The following DPH6 variants were observed in gnomAD, a reference collection of about 807,000 sequenced individuals.
The protein encoded by DPH6 is diphthine--ammonia ligase.
DPH6 carries 33 observed loss-of-function variants against 38.2 expected under a neutral mutation model. The ratio of observed to expected loss-of-function variants is 0.86; its 90% CI spans 0.65 to 1.15. The LOEUF is 1.15. DPH6 is among the 50% of genes most tolerant of loss of function. The probability of loss-of-function intolerance (pLI) is 0.00; values close to 1 mark genes in which losing one functional copy is unlikely to be tolerated. For synonymous variants in DPH6, 108 were observed against 103.0 expected (o/e 1.05, Z -0.30); for missense variants, 325 against 320.0 (o/e 1.02, Z -0.12).
rs565305540 is a variant in DPH6, at chr15:35,355,310, G to A, written n.207+18211C>T. Reference sequence around the variant, plus strand: ...ATTTAAGGTTAATATTGTTATGTGTGAATTTGATCCTGTCATTATGATGTT... The same window carrying A: ...ATTTAAGGTTAATATTGTTATGTGTAAATTTGATCCTGTCATTATGATGTT... On this transcript the variant is annotated intron_variant and non_coding_transcript_variant, in intron 3 of 3. Coordinates refer to the DPH6 transcript ENST00000558973. 3.3e-5 allele frequency among the ~76,000 whole-genome samples: 5 copies of A among 152,276 alleles called. No homozygotes were observed. In the East Asian group the frequency reaches 9.7e-4, roughly 29 times the overall value.
intron 3 of DPH6, among the ~76,000 whole-genome samples, chr15:35,348,773 C>T (rs962785189): frequency 3.9e-5 from 6 of 152,060 alleles, no homozygotes; most frequent in Admixed American, 6.6e-5. Flanking sequence ...TCTTTCAACC[C>T]ATGATCACGG....
intron 3 of DPH6, among the ~76,000 whole-genome samples, chr15:35,293,778 T>C (rs983825073): frequency 7.9e-5 from 12 of 152,244 alleles, no homozygotes; most frequent in Admixed American, 7.9e-4. Context: ...GAAAGGAATG[T>C]AATGGTGTCC....
Position 35,542,459 on chromosome 15 carries a change from C to A in DPH6, c.72G>T (p.Gly24=), listed in dbSNP as rs1383620761. ...GATTTGCTAAAGCAACGATCTGATG[C>A]CCAGCAGCAATGCACTGCATCATAT... ...CYNMMQCIAA[G]HQIVALANLR... Residue 24 remains glycine (G), a synonymous_variant, in exon 2 of 9, where the codon GGG becomes GGT. Coordinates refer to ENST00000256538, the MANE Select transcript of DPH6 (RefSeq NM_080650.4). 6 of 1,580,334 alleles carry A rather than the reference C, an allele frequency of 3.8e-6. No homozygotes were observed. The highest frequency in any genetic ancestry group is 1.7e-5 in the Admixed American group (1 of 59,690).
In DPH6 at chr15:35,398,311, C is replaced by T. The variant is rs544416522; in HGVS notation, c.567+12524G>A. On this transcript the variant is annotated intron_variant, in intron 6 of 8. Transcript: ENST00000256538. Reference sequence around the variant, plus strand: ...TAGCCTTGGGATGGGCAATGGTTGCCAGGGAAACCAACCTTGTGATTAGAG... The same window carrying T: ...TAGCCTTGGGATGGGCAATGGTTGCTAGGGAAACCAACCTTGTGATTAGAG... 9.2e-5 allele frequency among the ~76,000 whole-genome samples: 14 copies of T among 152,260 alleles called. No individual in the cohort carries two copies. In the South Asian group the frequency reaches 1.9e-3, roughly 20 times the overall value.
chr15:35,219,645 G>A (rs571187275), exon 4 of DPH6: 1 of 152,226 alleles, frequency 6.6e-6, no homozygotes, highest in African/African-American at 2.4e-5. Flanking sequence ...TTATTGTCAT[G>A]TTGCAGTGAG....
chr15:35,385,803 T>G (rs2052945377), intron 6 of DPH6, among the ~76,000 whole-genome samples: 1 of 152,252 alleles, frequency 6.6e-6, no homozygotes, highest in South Asian at 2.1e-4. Flanking sequence ...CAAAAACTTA[T>G]TTTATAATTT....
At chr15:35,520,584 T>G in intron 3 of DPH6, 1 of 984,728 alleles carries the variant, frequency 1.0e-6, no homozygotes, top group Non-Finnish European at 1.2e-6. Flanking sequence ...ATAAAGCTTC[T>G]TATAATACTA....
At chr15:35,237,719 C>T (rs1347769701) in intron 3 of DPH6, 10 of 1,613,656 alleles carry the variant, frequency 6.2e-6, no homozygotes, top group Admixed American at 3.3e-5. Flanking sequence ...GAACGACTAC[C>T]GAGAAAATGT....
At chr15:35,416,398 G>GT (rs920616145) in intron 5 of DPH6, among the ~76,000 whole-genome samples, 3 of 151,918 alleles carry the variant, frequency 2.0e-5, no homozygotes, top group South Asian at 2.1e-4. Context: ...ATTTAGGTAG[G>GT]TTTTTTTGGC....
Position 35,528,057 on chromosome 15 carries a change from T to C in DPH6, c.312+10217A>G, listed in dbSNP as rs1035068937. 2.0e-5 allele frequency among the ~76,000 whole-genome samples: 3 copies of C among 152,192 alleles called. No individual in the cohort carries two copies. In the South Asian group the frequency reaches 6.2e-4, roughly 32 times the overall value. ...AGAATCTATTAAGACTATATTTTGC[T>C]TGATTTACCGGCAAATGTGTAATTG... is the stretch of plus-strand genomic sequence containing the variant. On this transcript the variant is annotated intron_variant, in intron 3 of 8. Transcript: ENST00000256538.
intron 3 of DPH6, among the ~76,000 whole-genome samples, chr15:35,356,735 C>G (rs1439608800): frequency 6.6e-6 from 1 of 152,180 alleles, no homozygotes; most frequent in Non-Finnish European, 1.5e-5. Context: ...GGGTCAGGGA[C>G]CCACTTGAGG....
intron 5 of DPH6, among the ~76,000 whole-genome samples, chr15:35,439,752 T>C (rs1028725913): frequency 4.0e-5 from 6 of 151,408 alleles, no homozygotes; most frequent in African/African-American, 1.5e-4. Context: ...CATTAAAGTG[T>C]ACAAACCCAT....
intron 4 of DPH6, among the ~76,000 whole-genome samples, chr15:35,453,902 C>T (rs1329669352): frequency 6.6e-6 from 1 of 151,726 alleles, no homozygotes; most frequent in Non-Finnish European, 1.5e-5. Context: ...ATAAATACAG[C>T]CATTATCTTA....
At chr15:35,476,448 C>A (rs2054264622) in intron 3 of DPH6, among the ~76,000 whole-genome samples, 1 of 151,770 alleles carries the variant, frequency 6.6e-6, no homozygotes, top group Non-Finnish European at 1.5e-5. Context: ...TTAAAGAAAT[C>A]ACTATAAATA....
chr15:35,366,025 G>A, downstream of DPH6: 1 of 984,494 alleles, frequency 1.0e-6, no homozygotes. Flanking sequence ...TGAACCAAAT[G>A]TTGGCAAATA....
chr15:35,522,160 G>T, intron 3 of DPH6: 1 of 1,613,360 alleles, frequency 6.2e-7, no homozygotes, highest in African/African-American at 1.3e-5. Flanking sequence ...CTTGCTGTGA[G>T]TGCACAGTTC....
intron 3 of DPH6, among the ~76,000 whole-genome samples, chr15:35,483,236 C>T (rs989576748): frequency 7.2e-5 from 11 of 151,868 alleles, no homozygotes; most frequent in South Asian, 4.2e-4. Context: ...AGTGCTGAGG[C>T]GGGTGGATCA....
chr15:35,200,098 A>C, the DPH6 span, among the ~76,000 whole-genome samples: 1 of 152,180 alleles, frequency 6.6e-6, no homozygotes, highest in East Asian at 1.9e-4. Context: ...CCTCCTCAAA[A>C]GAAATTGGCT....
chr15:35,520,881 C>A (rs1397403853), intron 3 of DPH6: 2 of 985,028 alleles, frequency 2.0e-6, no homozygotes, highest in Non-Finnish European at 1.2e-6. Flanking sequence ...CCCAAATTCC[C>A]TGGAAAAACA....
Sources: gnomAD v4.1 joint callset for allele counts (sites outside exome capture counted in the v4.1 genomes callset) on GRCh38, gnomAD v4.1.1 for gene constraint, MANE v1.5 for transcripts, NCBI Gene and HGNC (gene_info 2026-07-23, HGNC 2026-07-21) for gene names.